RBPMS: variants seen among roughly 807,000 people sequenced by gnomAD.
RBPMS encodes the protein RNA-binding protein with multiple splicing.
RBPMS carries 7 observed loss-of-function variants against 26.8 expected under a neutral mutation model. That is an observed-to-expected ratio of 0.26 (90% CI 0.15 to 0.49). The LOEUF is 0.49. Among genes scored for constraint, RBPMS ranks in the 20% least tolerant of loss-of-function variants. The probability of loss-of-function intolerance (pLI) is 0.98; values close to 1 mark genes in which losing one functional copy is unlikely to be tolerated. For missense variants in RBPMS, 186 were observed against 250.0 expected (o/e 0.74, Z 1.73); for synonymous variants, 96 against 93.3 (o/e 1.03, Z -0.17).
intron 4 of RBPMS, among the ~76,000 whole-genome samples, chr8:30,492,323 T>TG (rs1167571450): frequency 6.6e-6 from 1 of 152,226 alleles, no homozygotes; most frequent in Non-Finnish European, 1.5e-5. Context: ...GCCTGATAAG[T>TG]GCATAATATG....
chr8:30,504,197 C>A, intron 4 of RBPMS, 89 bp from the exon 5 acceptor site: 1 of 1,384,498 alleles, frequency 7.2e-7, no homozygotes, highest in Non-Finnish European at 1.0e-6. Context: ...CCTGATAGAC[C>A]AGGGTTTACT....
chr8:30,466,562 A>G (rs1159470130), intron 1 of RBPMS, among the ~76,000 whole-genome samples: 1 of 151,482 alleles, frequency 6.6e-6, no homozygotes, highest in Admixed American at 6.6e-5. Flanking sequence ...TAACAACAGC[A>G]CAGTGGTTTT....
intron 2 of RBPMS, among the ~76,000 whole-genome samples, chr8:30,476,877 G>C (rs1234981154): frequency 6.6e-6 from 1 of 152,156 alleles, no homozygotes; most frequent in Admixed American, 6.5e-5. Flanking sequence ...GAGTGTTTCT[G>C]TCTTCCTTGA....
intron 6 of RBPMS, among the ~76,000 whole-genome samples, chr8:30,557,260 G>A (rs181380307): frequency 4.6e-5 from 7 of 152,354 alleles, no homozygotes; most frequent in Non-Finnish European, 7.3e-5. Context: ...GGAAAGAACC[G>A]CTCGTGAGGA....
chr8:30,477,731 T>C (rs1051848930), intron 2 of RBPMS, 68 bp from the exon 3 acceptor site: 18 of 1,138,792 alleles, frequency 1.6e-5, no homozygotes, highest in African/African-American at 6.2e-5. Context: ...AAAGAACTTA[T>C]TTTTACATGA....
intron 5 of RBPMS, among the ~76,000 whole-genome samples, chr8:30,530,331 C>CT (rs1333018062): frequency 1.3e-5 from 2 of 152,220 alleles, no homozygotes; most frequent in Non-Finnish European, 2.9e-5. Context: ...AAATACAAGT[C>CT]TATCACATTA....
Position 30,545,417 on chromosome 8 carries a change from C to T in RBPMS, c.528+793C>T, listed in dbSNP as rs540104449. 11 of 1,031,622 alleles carry T rather than the reference C, an allele frequency of 1.1e-5. No homozygotes were observed. The Admixed American group carries it at 1.7e-4, about 16-fold the overall frequency. 63.9% of individuals were successfully genotyped at this position (1,031,622 alleles called of 1,614,324 possible). On this transcript the variant is annotated intron_variant, in intron 6 of 8. Transcript: ENST00000397323. ...TGTAAAGATTCACCTCTGGAGATCACCACTCATTCTTTGGCCTGCAAAGAT... is the reference window on the plus strand; with the variant it reads ...TGTAAAGATTCACCTCTGGAGATCATCACTCATTCTTTGGCCTGCAAAGAT...
chr8:30,508,236 G>A (rs781236350), intron 5 of RBPMS, among the ~76,000 whole-genome samples: 3 of 152,160 alleles, frequency 2.0e-5, no homozygotes, highest in Non-Finnish European at 2.9e-5. Flanking sequence ...GACCTCAGGA[G>A]AAACCAACCC....
At chr8:30,509,377 T>C (rs1821360104) in intron 5 of RBPMS, among the ~76,000 whole-genome samples, 1 of 152,176 alleles carries the variant, frequency 6.6e-6, no homozygotes, top group African/African-American at 2.4e-5. Flanking sequence ...TTACCTGCCA[T>C]GTCCCTGGAA....
chr8:30,457,301 A>G (rs2150766040), intron 1 of RBPMS, among the ~76,000 whole-genome samples: 1 of 152,270 alleles, frequency 6.6e-6, no homozygotes, highest in African/African-American at 2.4e-5. Flanking sequence ...CTCTTTACAG[A>G]TATATTACAA....
intron 6 of RBPMS, among the ~76,000 whole-genome samples, chr8:30,555,373 T>G (rs1162747320): frequency 6.6e-6 from 1 of 152,176 alleles, no homozygotes; most frequent in East Asian, 1.9e-4. Flanking sequence ...TGGAGAAGAT[T>G]CCCAGGGTCG....
chr8:30,521,707 C>T (rs1378009637), intron 5 of RBPMS, among the ~76,000 whole-genome samples: 3 of 151,984 alleles, frequency 2.0e-5, no homozygotes, highest in Non-Finnish European at 4.4e-5. Flanking sequence ...CTCTACCCCC[C>T]TTTTTTTAGG....
chr8:30,428,877 G>A (rs1811642039), intron 1 of RBPMS, among the ~76,000 whole-genome samples: 2 of 151,960 alleles, frequency 1.3e-5, no homozygotes, highest in South Asian at 4.1e-4. Flanking sequence ...CCTTTTCAAA[G>A]TAGCCCCAAT....
chr8:30,526,411 G>A (rs1278448418), intron 5 of RBPMS, among the ~76,000 whole-genome samples: 2 of 152,190 alleles, frequency 1.3e-5, no homozygotes, highest in African/African-American at 4.8e-5. Flanking sequence ...GGTTACTGCT[G>A]TAGAGCTGTG....
At chr8:30,454,303 T>C (rs999169752) in intron 1 of RBPMS, among the ~76,000 whole-genome samples, 4 of 152,224 alleles carry the variant, frequency 2.6e-5, no homozygotes, top group Non-Finnish European at 5.9e-5. Flanking sequence ...ATTCATACTA[T>C]TGTCTGTTCC....
chr8:30,553,650 C>T (rs1826584282), intron 6 of RBPMS: 1 of 152,266 alleles, frequency 6.6e-6, no homozygotes, highest in Non-Finnish European at 1.5e-5. Flanking sequence ...AACTTCAGCG[C>T]TCCATTCTAG....
At chr8:30,518,885 A>G (rs1350207294) in intron 5 of RBPMS, among the ~76,000 whole-genome samples, 2 of 149,790 alleles carry the variant, frequency 1.3e-5, no homozygotes, top group African/African-American at 4.9e-5. Context: ...TACACCTCAC[A>G]CCCTGAGCAG....
At chr8:30,523,141 C>T (rs1438814391) in intron 5 of RBPMS, among the ~76,000 whole-genome samples, 1 of 152,156 alleles carries the variant, frequency 6.6e-6, no homozygotes, top group African/African-American at 2.4e-5. Context: ...CTTTGGGAGG[C>T]TGAGGCAGGC....
At chr8:30,503,128 C>G (rs1193438714) in intron 4 of RBPMS, among the ~76,000 whole-genome samples, 3 of 152,184 alleles carry the variant, frequency 2.0e-5, no homozygotes, top group African/African-American at 4.8e-5. Context: ...TTCCCCTTCC[C>G]CCCTTGTTTC....
Sources: allele counts gnomAD v4.1 joint callset (sites outside exome capture counted in the v4.1 genomes callset), GRCh38; gene constraint gnomAD v4.1.1; transcripts MANE v1.5; gene names NCBI Gene and HGNC (gene_info 2026-07-23, HGNC 2026-07-21).